The following PROKR2 variants were observed in gnomAD, a reference collection of about 807,000 sequenced individuals.
PROKR2 encodes G protein-coupled receptor 73-like 1.
PROKR2 carries 26 observed loss-of-function variants against 23.4 expected under a neutral mutation model. That is an observed-to-expected ratio of 1.11 (90% CI 0.81 to 1.54). PROKR2 has a LOEUF of 1.54. Ranked by LOEUF, PROKR2 falls within the 40% of genes most tolerant of loss-of-function variation. The pLI is 0.00. For synonymous variants in PROKR2, 212 were observed against 201.2 expected (o/e 1.05, Z -0.45); for missense variants, 453 against 511.5 (o/e 0.89, Z 1.10).
chr20:5,316,457 G>A lies in PROKR2; in HGVS notation c.-9+37C>T, dbSNP rs767929342. ...GTCCTAGCGACTCCCCCACCGCACC[G>A]ACTGAGTCCCGGGACTGCAGGGATC... On this transcript the variant is annotated intron_variant, in intron 1 of 2. Transcript: ENST00000678254. This position sits in a 1 kb window ranked among gnomAD's most constrained non-coding sequence, Gnocchi z 5.0. 4.5e-6 allele frequency: 2 copies of A among 445,574 alleles called. No individual in the cohort carries two copies. Among genetic ancestry groups the A allele is most frequent in the South Asian group, 1.6e-5 (1 of 62,272 alleles). The allele number at this position is 445,574 out of a possible 1,614,324, so 27.6% of individuals were successfully genotyped here. A position where few individuals can be genotyped will look rare whatever the true frequency, so the allele number is the denominator to read the frequency against.
At chr20:5,302,820 C>A in intron 2 of PROKR2, 84 bp from the exon 3 acceptor site, 1 of 956,766 alleles carries the variant, frequency 1.0e-6, no homozygotes, top group East Asian at 2.4e-5. Flanking sequence ...TACACTAAAG[C>A]AGTGGCACAG....
At chr20:5,306,005 G>A (rs1277362298) in intron 2 of PROKR2, among the ~76,000 whole-genome samples, 1 of 152,144 alleles carries the variant, frequency 6.6e-6, no homozygotes, top group Non-Finnish European at 1.5e-5. Flanking sequence ...TCCCTGGTAT[G>A]AGACTAGGAA....
Position 5,314,180 on chromosome 20 carries a change from T to C in PROKR2, c.190A>G (p.Met64Val), listed in dbSNP as rs1174074708. 15 of 1,614,196 alleles carry C rather than the reference T, an allele frequency of 9.3e-6. No homozygotes were observed. Among genetic ancestry groups the C allele is most frequent in the South Asian group, 5.5e-5 (5 of 91,078 alleles). The change falls in exon 2 of 3, where the codon ATG (methionine) becomes GTG (valine). Residue 64 changes from methionine (M) to valine (V), a missense_variant. Met to Val is a conservative substitution (Grantham distance 21, BLOSUM62 1). Transcript: ENST00000678254. Reference sequence around the variant, plus strand: ...AAGTTACCGATGCCGCAGACCAGCATGATGCCTGCCAGTGCAATGCCAATG... The same window carrying C: ...AAGTTACCGATGCCGCAGACCAGCACGATGCCTGCCAGTGCAATGCCAATG... ...IVIGIALAGIMLVCGIGNFVF... is the reference protein window; with the variant it reads ...IVIGIALAGIVLVCGIGNFVF...
intron 2 of PROKR2, among the ~76,000 whole-genome samples, chr20:5,310,219 C>A (rs1979382824): frequency 6.6e-6 from 1 of 152,170 alleles, no homozygotes; most frequent in Admixed American, 6.5e-5. Flanking sequence ...CCGGCAAGGT[C>A]TTTGTTTTCA....
chr20:5,316,592 C>G lies in PROKR2; in HGVS notation c.-107G>C, dbSNP rs905008045. Among the ~76,000 whole-genome samples, 16 of 152,204 alleles carry G rather than the reference C, an allele frequency of 1.1e-4. No homozygotes were observed. The highest frequency in any genetic ancestry group is 2.2e-4 in the Non-Finnish European group (15 of 68,030). ...CAGGCGGGCCGCTCGGTTTTCACCT[C>G]GAGGACCCGGACTTGCACTTGCAGA... On this transcript the variant is annotated 5_prime_UTR_variant, in exon 1 of 3. Coordinates refer to ENST00000678254, the MANE Select transcript of PROKR2 (RefSeq NM_144773.4). This position sits in a 1 kb window ranked among gnomAD's most constrained non-coding sequence, Gnocchi z 5.0.
chr20:5,313,268 C>A (rs1979510758), intron 2 of PROKR2, among the ~76,000 whole-genome samples: 1 of 152,204 alleles, frequency 6.6e-6, no homozygotes, highest in Non-Finnish European at 1.5e-5. Flanking sequence ...AATGAGCACA[C>A]CAACATATGC....
At chr20:5,313,772 A>C in intron 2 of PROKR2, 140 bp downstream of exon 2, 1 of 765,040 alleles carries the variant, frequency 1.3e-6, no homozygotes, top group Non-Finnish European at 2.2e-6. Context: ...ACAGAACTCA[A>C]CTGGAGAAAC....
chr20:5,305,146 C>G (rs1979169614), intron 2 of PROKR2, among the ~76,000 whole-genome samples: 1 of 152,156 alleles, frequency 6.6e-6, no homozygotes, highest in Non-Finnish European at 1.5e-5. Context: ...TCAGTTCACT[C>G]TAAGTTTGAG....
Position 5,313,995 on chromosome 20 carries a change from G to A in PROKR2, c.375C>T (p.His125=), listed in dbSNP as rs148596437. The A allele has an allele frequency of 9.0e-4, 1,448 of 1,614,212 alleles. 6 individuals are homozygous for A. Among genetic ancestry groups the A allele is most frequent in the South Asian group, 3.0e-3 (272 of 91,088 alleles). The stretch of plus-strand genomic sequence containing the variant: ...GGTAGTTGACGGAGGCACAGAGCAC[G>A]TGGCCATGCTCCCAGGAGAGCTGCC... ...VVRQLSWEHG[H]VLCASVNYLR... The change falls in exon 2 of 3, where the codon CAC becomes CAT. Residue 125 remains histidine, a synonymous_variant. Transcript: ENST00000678254.
intron 2 of PROKR2, among the ~76,000 whole-genome samples, chr20:5,303,567 C>G (rs569621693): frequency 6.6e-6 from 1 of 152,282 alleles, no homozygotes; most frequent in East Asian, 1.9e-4. Context: ...GTCTTGGAGA[C>G]AGATTGGAGC....
At position 5,300,276 on chromosome 20, in the gene PROKR2, C is replaced by G. The variant is rs1008963992; in HGVS notation, c.*1764G>C. On this transcript the variant is annotated 3_prime_UTR_variant, in exon 3 of 3. Coordinates refer to ENST00000678254, the MANE Select transcript of PROKR2 (RefSeq NM_144773.4). Reference sequence around the variant, plus strand: ...CATGCAGGGAGGACTGTCAACACTTCTAAGACCGCAGGGATGCTGAGAGTC... The same window carrying G: ...CATGCAGGGAGGACTGTCAACACTTGTAAGACCGCAGGGATGCTGAGAGTC... Among the ~76,000 whole-genome samples the G allele has an allele frequency of 6.6e-6, 1 of 152,226 alleles. No individual in the cohort carries two copies.
At position 5,316,908 on chromosome 20, in the gene PROKR2, G is replaced by A. The variant is rs926325641; in HGVS notation, c.-423C>T. ...GCCGCGCTGACGCGAGTCCCCGGCA[G>A]CGGGGGCAGCCTCTCGCACGGATTT... On this transcript the variant is annotated 5_prime_UTR_variant, in exon 1 of 3. Coordinates refer to ENST00000678254, the MANE Select transcript of PROKR2 (RefSeq NM_144773.4). This position sits in a 1 kb window ranked among gnomAD's most constrained non-coding sequence, Gnocchi z 5.0. Among the ~76,000 whole-genome samples the A allele has an allele frequency of 1.6e-4, 24 of 152,384 alleles. No homozygotes were observed. The highest frequency in any genetic ancestry group is 1.6e-3 in the Admixed American group (24 of 15,310).
chr20:5,300,148 G>A lies in PROKR2; in HGVS notation c.*1892C>T, dbSNP rs569140031. Among the ~76,000 whole-genome samples the A allele has an allele frequency of 6.6e-6, 1 of 152,206 alleles. No individual in the cohort carries two copies. The highest frequency in any genetic ancestry group is 2.1e-4 in the South Asian group (1 of 4,816). On this transcript the variant is annotated 3_prime_UTR_variant, in exon 3 of 3. Transcript: ENST00000678254. ...ATTTGCATAGCTACCACATCAAAATGAATCAAGAAGAAATGAAGACGTGTA... is the reference window on the plus strand; with the variant it reads ...ATTTGCATAGCTACCACATCAAAATAAATCAAGAAGAAATGAAGACGTGTA...
intron 2 of PROKR2, among the ~76,000 whole-genome samples, chr20:5,309,337 A>T (rs73073728): frequency 0.12 from 17,694 of 152,234 alleles, 1,098 homozygotes; most frequent in Non-Finnish European, 0.12. Flanking sequence ...TAAAATCAAG[A>T]TGTTGGCAAG....
In PROKR2 at chr20:5,300,860, C is replaced by G. The variant is rs1296932536; in HGVS notation, c.*1180G>C. Among the ~76,000 whole-genome samples, 1 of 152,182 alleles carries G rather than the reference C, an allele frequency of 6.6e-6. No individual in the cohort carries two copies. The highest frequency in any genetic ancestry group is 2.4e-5 in the African/African-American group (1 of 41,444). ...TCCTCTTTCCCCCTGACCCCAGAGC[C>G]ACTGAAATCCTTTGCACTGAGGAGG... On this transcript the variant is annotated 3_prime_UTR_variant, in exon 3 of 3. Transcript: ENST00000678254.
intron 2 of PROKR2, among the ~76,000 whole-genome samples, chr20:5,312,395 C>A (rs559355262): frequency 3.8e-4 from 58 of 152,328 alleles, no homozygotes; most frequent in African/African-American, 1.3e-3. Flanking sequence ...ACGTGAGCCA[C>A]CGCACCCGGG....
chr20:5,303,758 G>T (rs1979102868), intron 2 of PROKR2, among the ~76,000 whole-genome samples: 2 of 152,154 alleles, frequency 1.3e-5, no homozygotes, highest in Non-Finnish European at 1.5e-5. Flanking sequence ...ATGAAGGACA[G>T]GGAGGAAACA....
rs1978920247 is a variant in PROKR2, at chr20:5,299,722, T to G, written c.*2318A>C. 6.6e-6 allele frequency among the ~76,000 whole-genome samples: 1 copy of G among 152,208 alleles called. No homozygotes were observed. Among genetic ancestry groups the G allele is most frequent in the African/African-American group, 2.4e-5 (1 of 41,460 alleles). ...TCACTGCAACCTCTGCCTCTGGGGTTCAAGCAATTCTCATGCCTCAGCCTC... is the reference window on the plus strand; with the variant it reads ...TCACTGCAACCTCTGCCTCTGGGGTGCAAGCAATTCTCATGCCTCAGCCTC... On this transcript the variant is annotated 3_prime_UTR_variant, in exon 3 of 3. Coordinates refer to ENST00000678254, the MANE Select transcript of PROKR2 (RefSeq NM_144773.4).
chr20:5,305,841 T>C (rs1857866750), intron 2 of PROKR2, among the ~76,000 whole-genome samples: 1 of 152,192 alleles, frequency 6.6e-6, no homozygotes, highest in Admixed American at 6.5e-5. Flanking sequence ...TATTTTGCAT[T>C]GTGAAGGGCC....
Sources: allele counts gnomAD v4.1 joint callset (sites outside exome capture counted in the v4.1 genomes callset), GRCh38; gene constraint gnomAD v4.1.1; non-coding constraint Gnocchi (gnomAD v3.1); transcripts MANE v1.5; gene names NCBI Gene and HGNC (gene_info 2026-07-23, HGNC 2026-07-21).